The following GPLD1 variants were observed in gnomAD, a reference collection of about 807,000 sequenced individuals.
The protein encoded by GPLD1 is phosphatidylinositol-glycan-specific phospholipase D.
GPLD1 carries 84 observed loss-of-function variants against 112.6 expected under a neutral mutation model. The observed-to-expected ratio is 0.75, with a 90% CI of 0.63 to 0.89. The LOEUF (loss-of-function observed/expected upper bound fraction) is 0.89. Among genes scored for constraint, GPLD1 ranks in the 40% least tolerant of loss-of-function variants. The pLI, the probability that GPLD1 is intolerant of heterozygous loss-of-function variation, is 0.00. For synonymous variants in GPLD1, 386 were observed against 403.8 expected, an observed-to-expected ratio of 0.96 and a Z score of 0.53; for missense variants, 1,044 against 1,051.5, an observed-to-expected ratio of 0.99 and a Z score of 0.10.
At chr6:24,472,766 A>T in intron 6 of GPLD1, 130 bp from the exon 7 acceptor site, 1 of 621,974 alleles carries the variant, frequency 1.6e-6, no homozygotes, top group Non-Finnish European at 2.9e-6. Flanking sequence ...TCATTGTTTT[A>T]GGTAAAGGCA....
In GPLD1 at chr6:24,429,000, GGTGGGCAGA is replaced by G. The variant is rs777386052; in HGVS notation, c.*23_*31del. On this transcript the variant is annotated 3_prime_UTR_variant, in exon 25 of 25. Transcript: ENST00000230036. Reference sequence around the variant, plus strand: ...CATGGATGTGATTCAGCATGAGAGAGGTGGGCAGAGTGGGGAAATGCAGTGAAATCTTCA... The same window carrying G: ...CATGGATGTGATTCAGCATGAGAGAGGTGGGGAAATGCAGTGAAATCTTCA... The G allele has an allele frequency of 3.0e-4, 433 of 1,431,582 alleles. No homozygotes were observed. Among genetic ancestry groups the G allele is most frequent in the Non-Finnish European group, 3.9e-4 (402 of 1,017,792 alleles). The allele number at this position is 1,431,582 out of a possible 1,614,324, so 88.7% of individuals were successfully genotyped here.
chr6:24,463,921 G>A (rs1024238414), intron 10 of GPLD1, among the ~76,000 whole-genome samples: 3 of 152,048 alleles, frequency 2.0e-5, no homozygotes, highest in Non-Finnish European at 4.4e-5. Context: ...TTTACACCTT[G>A]GTAAATTGGG....
chr6:24,462,404 G>C (rs1213687480), intron 11 of GPLD1, among the ~76,000 whole-genome samples: 7 of 152,078 alleles, frequency 4.6e-5, no homozygotes. Flanking sequence ...CAGAGTGCTA[G>C]GATTACACGT....
chr6:24,491,260 G>A (rs534847048), upstream of GPLD1, among the ~76,000 whole-genome samples: 10 of 152,168 alleles, frequency 6.6e-5, no homozygotes, highest in Admixed American at 1.3e-4. Context: ...GTGCGTGAGG[G>A]AGTCACAATT....
intron 3 of GPLD1, among the ~76,000 whole-genome samples, chr6:24,476,547 C>T (rs1364208957): frequency 2.6e-5 from 4 of 152,236 alleles, no homozygotes; most frequent in East Asian, 1.9e-4. Flanking sequence ...ATCGCAAGCC[C>T]GGCTACCTGG....
At chr6:24,433,623 G>C in intron 22 of GPLD1, 1 of 422,140 alleles carries the variant, frequency 2.4e-6, no homozygotes, top group Non-Finnish European at 4.2e-6. Context: ...CTCGTGAGTT[G>C]ATGGAATTAC....
At chr6:24,470,591 AT>A (rs747870128) in intron 7 of GPLD1, among the ~76,000 whole-genome samples, 15 of 151,474 alleles carry the variant, frequency 9.9e-5, no homozygotes, top group East Asian at 3.9e-4. Context: ...TGAATGGTAA[AT>A]TTTTTTTTCT....
intron 10 of GPLD1, among the ~76,000 whole-genome samples, chr6:24,465,693 C>T (rs1763583030): frequency 6.6e-6 from 1 of 152,140 alleles, no homozygotes; most frequent in Admixed American, 6.5e-5. Context: ...GGGACAATCA[C>T]AGTCTACCTT....
intron 2 of GPLD1, among the ~76,000 whole-genome samples, chr6:24,482,800 A>C (rs906894828): frequency 6.6e-6 from 1 of 152,148 alleles, no homozygotes; most frequent in East Asian, 1.9e-4. Flanking sequence ...TTCTACAAAA[A>C]ATTTAAAAAT....
Position 24,486,126 on chromosome 6 carries a change from G to T in GPLD1, c.102C>A (p.His34Gln). ...CGLSTHVEIGHRALEFLQLHN... is the reference protein window; with the variant it reads ...CGLSTHVEIGQRALEFLQLHN... The stretch of plus-strand genomic sequence containing the variant: ...GAAGCTGAAGAAACTCCAGAGCTCT[G>T]TGTCCTGAGAGAAATAAATACATAA... Residue 34 changes from histidine (H) to glutamine (Q), a missense_variant, in exon 2 of 25, where the codon CAC becomes CAA. His to Gln is a conservative substitution (Grantham distance 24). Coordinates refer to ENST00000230036, the MANE Select transcript of GPLD1 (RefSeq NM_001503.4). The T allele has an allele frequency of 6.4e-7, 1 of 1,566,220 alleles. No individual in the cohort carries two copies. Among genetic ancestry groups the T allele is most frequent in the Non-Finnish European group, 8.8e-7 (1 of 1,138,806 alleles).
chr6:24,462,922 G>T, intron 10 of GPLD1, 127 bp from the exon 11 acceptor site: 1 of 679,984 alleles, frequency 1.5e-6, no homozygotes, highest in South Asian at 1.7e-5. Flanking sequence ...AGCCATACAG[G>T]ACTAATTAAG....
chr6:24,445,484 T>C (rs1762880448), intron 20 of GPLD1, 62 bp downstream of exon 20: 1 of 1,050,704 alleles, frequency 9.5e-7, no homozygotes. Flanking sequence ...TTTCCTCCAA[T>C]ACGACATGTA....
At chr6:24,454,353 T>C (rs993027716) in intron 13 of GPLD1, 152 bp from the exon 14 acceptor site, 1 of 505,188 alleles carries the variant, frequency 2.0e-6, no homozygotes. Context: ...ACTTCTCAGG[T>C]TGTATTGTTA....
At chr6:24,436,357 A>G (rs1180242363) in intron 22 of GPLD1, among the ~76,000 whole-genome samples, 1 of 152,244 alleles carries the variant, frequency 6.6e-6, no homozygotes, top group Non-Finnish European at 1.5e-5. Flanking sequence ...AGGGACCTAC[A>G]TAACACCAAG....
chr6:24,480,786 T>C (rs551781893), intron 2 of GPLD1, among the ~76,000 whole-genome samples: 60 of 152,326 alleles, frequency 3.9e-4, no homozygotes, highest in Admixed American at 7.8e-4. Flanking sequence ...TCTAGCTGCA[T>C]GCTATAGGCT....
At chr6:24,464,068 A>G (rs1763518671) in intron 10 of GPLD1, among the ~76,000 whole-genome samples, 2 of 150,378 alleles carry the variant, frequency 1.3e-5, no homozygotes, top group Admixed American at 6.6e-5. Context: ...TCCAGTTTGG[A>G]TTATATAAAA....
upstream of GPLD1, among the ~76,000 whole-genome samples, chr6:24,490,521 C>T (rs1415987623): frequency 2.0e-5 from 3 of 152,092 alleles, no homozygotes; most frequent in Non-Finnish European, 4.4e-5. Flanking sequence ...GAGGCTGAGG[C>T]TGGTGGATCA....
At chr6:24,424,658 A>G (rs2127300540), downstream of GPLD1, 1 of 152,330 alleles carries the variant, frequency 6.6e-6, no homozygotes, top group African/African-American at 2.4e-5. Flanking sequence ...ACCTTTTAAA[A>G]TATTTTCTGG....
chr6:24,432,913 C>T (rs1233414607), intron 24 of GPLD1, among the ~76,000 whole-genome samples: 3 of 152,200 alleles, frequency 2.0e-5, no homozygotes. Context: ...TTTCAACCAT[C>T]TCAACATGAG....
Sources: gnomAD v4.1 joint callset for allele counts (sites outside exome capture counted in the v4.1 genomes callset) on GRCh38, gnomAD v4.1.1 for gene constraint, MANE v1.5 for transcripts, NCBI Gene and HGNC (gene_info 2026-07-23, HGNC 2026-07-21) for gene names.